Variants in EML6 observed in about 807,000 individuals in gnomAD.
EML6 encodes EMAP like 6.
In EML6, 154 loss-of-function variants were observed where a neutral mutation model predicts 240.1. The ratio of observed to expected loss-of-function variants is 0.64; its 90% CI spans 0.56 to 0.73. The LOEUF is 0.73. EML6 is among the 30% of genes least tolerant of loss of function. The probability of loss-of-function intolerance (pLI) is 0.00; values close to 1 mark genes in which losing one functional copy is unlikely to be tolerated. For synonymous variants in EML6, 1,148 were observed against 899.0 expected, an observed-to-expected ratio of 1.28 and a Z score of -4.95; for missense variants, 2,964 against 2,474.6, an observed-to-expected ratio of 1.20 and a Z score of -4.20.
At chr2:54,842,124 G>A (rs933229664) in intron 7 of EML6, among the ~76,000 whole-genome samples, 2 of 151,962 alleles carry the variant, frequency 1.3e-5, no homozygotes, top group African/African-American at 4.8e-5. Flanking sequence ...TCTTGGTGGC[G>A]TATATTCTGT....
At chr2:54,803,870 C>G (rs1670313238) in intron 2 of EML6, among the ~76,000 whole-genome samples, 2 of 152,200 alleles carry the variant, frequency 1.3e-5, no homozygotes, top group African/African-American at 2.4e-5. Context: ...GTGGTGCTGA[C>G]TCTCCACTCA....
At chr2:54,950,420 A>G (rs1050029228) in intron 29 of EML6, among the ~76,000 whole-genome samples, 1 of 152,256 alleles carries the variant, frequency 6.6e-6, no homozygotes, top group Non-Finnish European at 1.5e-5. Flanking sequence ...TTGGAAAGTC[A>G]TGGTGATTCT....
intron 16 of EML6, among the ~76,000 whole-genome samples, chr2:54,872,119 G>C (rs1671288169): frequency 6.6e-6 from 1 of 152,142 alleles, no homozygotes; most frequent in Non-Finnish European, 1.5e-5. Context: ...CGAAAAAATA[G>C]AACTGAAGTT....
At chr2:54,751,607 A>G (rs1447069448) in intron 2 of EML6, among the ~76,000 whole-genome samples, 1 of 152,148 alleles carries the variant, frequency 6.6e-6, no homozygotes, top group Admixed American at 6.5e-5. Context: ...CATCCCCCAT[A>G]TCCTTATCAA....
At chr2:54,797,150 G>C (rs2103945077) in intron 2 of EML6, among the ~76,000 whole-genome samples, 1 of 59,728 alleles carries the variant, frequency 1.7e-5, no homozygotes, top group South Asian at 6.3e-4. Context: ...GGGTGACAGA[G>C]CAAGACTCCA....
rs146723982 is a variant in EML6, at chr2:54,871,646, G to C, written c.2344+41G>C. Reference sequence around the variant, plus strand: ...ATTGACACATGGTTCTACGTTGAGAGAGAGAGAGACACAGAGAGAGTATGC... The same window carrying C: ...ATTGACACATGGTTCTACGTTGAGACAGAGAGAGACACAGAGAGAGTATGC... On this transcript the variant is annotated intron_variant, in intron 16 of 41. Coordinates refer to ENST00000356458, the MANE Select transcript of EML6 (RefSeq NM_001039753.4). The C allele has an allele frequency of 4.6e-4, 642 of 1,393,254 alleles. No individual in the cohort carries two copies. The African/African-American group carries it at 7.7e-3, about 17-fold the overall frequency. The allele number at this position is 1,393,254 out of a possible 1,614,324, so 86.3% of individuals were successfully genotyped here.
At chr2:54,765,857 C>G (rs568546863) in intron 2 of EML6, among the ~76,000 whole-genome samples, 34 of 152,242 alleles carry the variant, frequency 2.2e-4, no homozygotes, top group South Asian at 1.5e-3. Flanking sequence ...AATCTACTTT[C>G]TTTTTTATTT....
intron 5 of EML6, among the ~76,000 whole-genome samples, chr2:54,825,400 A>C (rs903270788): frequency 6.6e-6 from 1 of 152,090 alleles, no homozygotes; most frequent in East Asian, 1.9e-4. Flanking sequence ...ATTAAAAAAA[A>C]CTTTATTACA....
At position 54,797,316 on chromosome 2, in the gene EML6, A is replaced by G. The variant is rs181342549; in HGVS notation, c.198-15916A>G. ...GAGTAGCAAGGGGCCAGTATAGACA[A>G]TAACAGCCATCGGAGTTCAAAGGAG... On this transcript the variant is annotated intron_variant, in intron 2 of 41. Transcript: ENST00000356458. Among the ~76,000 whole-genome samples the G allele has an allele frequency of 3.3e-5, 5 of 152,206 alleles. No individual in the cohort carries two copies. In the East Asian group the frequency reaches 5.8e-4, roughly 18 times the overall value.
At chr2:54,918,291 G>A (rs935274431) in intron 26 of EML6, among the ~76,000 whole-genome samples, 4 of 152,030 alleles carry the variant, frequency 2.6e-5, no homozygotes, top group Admixed American at 6.6e-5. Flanking sequence ...ACAATCACAC[G>A]TCAACTCAAG....
At chr2:54,967,986 C>A (rs1248891967) in intron 39 of EML6, 142 bp from the exon 40 acceptor site, 2 of 749,440 alleles carry the variant, frequency 2.7e-6, no homozygotes, top group Non-Finnish European at 4.4e-6. Context: ...GGCCATGGAC[C>A]AGTACCGTTC....
At chr2:54,807,619 T>C (rs529690936) in intron 2 of EML6, among the ~76,000 whole-genome samples, 4 of 152,322 alleles carry the variant, frequency 2.6e-5, no homozygotes, top group South Asian at 2.1e-4. Flanking sequence ...TAACACACCA[T>C]CTATGGTATT....
At chr2:54,803,430 T>C (rs1013455194) in intron 2 of EML6, among the ~76,000 whole-genome samples, 1 of 152,212 alleles carries the variant, frequency 6.6e-6, no homozygotes, top group Non-Finnish European at 1.5e-5. Flanking sequence ...TTCTCGGCTG[T>C]ATCTTTGCCT....
At chr2:54,765,550 T>C (rs1668150134) in intron 2 of EML6, among the ~76,000 whole-genome samples, 1 of 152,220 alleles carries the variant, frequency 6.6e-6, no homozygotes, top group Admixed American at 6.5e-5. Flanking sequence ...AAGCTCCGCC[T>C]GCCGGGTTCA....
rs1013430279 is a variant in EML6 at position 54,967,050 on chromosome 2, G to A, written c.5544G>A (p.Lys1848=). 3.9e-6 allele frequency: 6 copies of A among 1,551,420 alleles called. No homozygotes were observed. In the African/African-American group the frequency reaches 6.8e-5, roughly 18 times the overall value. Reference sequence around the variant, plus strand: ...AGGTGCATGAGGTCCCCCTGGGGAAGCAGGTAACTGAAGCCGTGGTCATTG... The same window carrying A: ...AGGTGCATGAGGTCCCCCTGGGGAAACAGGTAACTGAAGCCGTGGTCATTG... ...KRQVHEVPLG[K]QVTEAVVIEK... Residue 1848 remains lysine, a synonymous_variant, in exon 39 of 42, where the codon AAG becomes AAA. Transcript: ENST00000356458.
chr2:54,970,415 G>T lies in EML6; in HGVS notation c.*320G>T. 2 of 333,370 alleles carry T rather than the reference G, an allele frequency of 6.0e-6. No individual in the cohort carries two copies. Among genetic ancestry groups the T allele is most frequent in the Admixed American group, 4.2e-5 (1 of 23,650 alleles). 20.7% of individuals were successfully genotyped at this position (333,370 alleles called of 1,614,324 possible). A position where few individuals can be genotyped will look rare whatever the true frequency, so the allele number is the denominator to read the frequency against. On this transcript the variant is annotated 3_prime_UTR_variant, in exon 42 of 42. Transcript: ENST00000356458. Reference sequence around the variant, plus strand: ...ATGTAGCCCGCTGACGAATTTTGAAGCCTCGGTTACCCTAACCAATATGTA... The same window carrying T: ...ATGTAGCCCGCTGACGAATTTTGAATCCTCGGTTACCCTAACCAATATGTA...
chr2:54,893,748 C>T (rs186080923), intron 19 of EML6, among the ~76,000 whole-genome samples: 1 of 152,286 alleles, frequency 6.6e-6, no homozygotes, highest in African/African-American at 2.4e-5. Context: ...TTTTCTTTTA[C>T]CTGTCCTTAG....
At chr2:54,928,536 T>C in intron 27 of EML6, 22 bp downstream of exon 27, 1 of 1,545,472 alleles carries the variant, frequency 6.5e-7, no homozygotes. Flanking sequence ...ACCTGCCACA[T>C]GCCTCCTGCG....
rs1040371632 is a variant in EML6 at position 54,753,289 on chromosome 2, A to G, written c.197+28031A>G. On this transcript the variant is annotated intron_variant, in intron 2 of 41. Coordinates refer to ENST00000356458, the MANE Select transcript of EML6 (RefSeq NM_001039753.4). The stretch of plus-strand genomic sequence containing the variant: ...TAACATTGAGCACTAGTGTAGTCAC[A>G]ATGATGTTCCTCTAAAGATATATCG... Among the ~76,000 whole-genome samples the G allele has an allele frequency of 7.9e-5, 12 of 152,310 alleles. No individual in the cohort carries two copies. The East Asian group carries it at 1.5e-3, about 20-fold the overall frequency.
Sources: allele counts gnomAD v4.1 joint callset (sites outside exome capture counted in the v4.1 genomes callset), GRCh38; gene constraint gnomAD v4.1.1; transcripts MANE v1.5; gene names NCBI Gene and HGNC (gene_info 2026-07-23, HGNC 2026-07-21).